Variants in YIPF1 observed in about 807,000 individuals in gnomAD.
YIPF1 encodes Yip1 domain family member 1, also known as protein YIPF1.
Under a neutral mutation model 37.0 loss-of-function variants are expected in YIPF1, and 22 were observed. That is an observed-to-expected ratio of 0.59 (90% CI 0.42 to 0.85). The LOEUF (loss-of-function observed/expected upper bound fraction) is 0.85. Among genes scored for constraint, YIPF1 ranks in the 40% least tolerant of loss-of-function variants. The pLI is 0.00. For synonymous variants in YIPF1, 128 were observed against 131.9 expected (o/e 0.97, Z 0.21); for missense variants, 355 against 373.1 (o/e 0.95, Z 0.40).
At chr1:53,858,673 C>A (rs1649786098) in intron 10 of YIPF1, among the ~76,000 whole-genome samples, 5 of 152,110 alleles carry the variant, frequency 3.3e-5, no homozygotes, top group Admixed American at 2.6e-4. Context: ...CTCTCTCTAT[C>A]ATCCAGGCTA....
At chr1:53,881,213 C>A (rs1650487860) in intron 4 of YIPF1, among the ~76,000 whole-genome samples, 1 of 144,788 alleles carries the variant, frequency 6.9e-6, no homozygotes, top group Non-Finnish European at 1.5e-5. Flanking sequence ...CAATGAGCCT[C>A]CAGCCTAGGC....
chr1:53,874,026 C>G (rs1650267298), intron 6 of YIPF1, among the ~76,000 whole-genome samples: 1 of 152,154 alleles, frequency 6.6e-6, no homozygotes, highest in African/African-American at 2.4e-5. Flanking sequence ...CTATGTGGCC[C>G]AATGCTCATC....
chr1:53,861,339 A>G (rs986414556), intron 9 of YIPF1, among the ~76,000 whole-genome samples: 1 of 152,026 alleles, frequency 6.6e-6, no homozygotes, highest in African/African-American at 2.4e-5. Flanking sequence ...CCTCAGGTAC[A>G]CTGTGCCACA....
Position 53,866,463 on chromosome 1 carries a change from T to C in YIPF1, c.649-81A>G, listed in dbSNP as rs868853780. 27 of 1,462,448 alleles carry C rather than the reference T, an allele frequency of 1.8e-5. No homozygotes were observed. In the Middle Eastern group the frequency reaches 1.2e-3, roughly 66 times the overall value. The allele number at this position is 1,462,448 out of a possible 1,614,324, so 90.6% of individuals were successfully genotyped here. On this transcript the variant is annotated intron_variant, in intron 8 of 10. Transcript: ENST00000072644. ...AGGCACATATGTTTACAAAGGCCCCTGAGCCAATCAGCAGCTGGGCCCCCA... is the reference window on the plus strand; with the variant it reads ...AGGCACATATGTTTACAAAGGCCCCCGAGCCAATCAGCAGCTGGGCCCCCA...
chr1:53,866,593 G>C (rs1471980441), intron 8 of YIPF1, among the ~76,000 whole-genome samples, 165 bp downstream of exon 8: 2 of 152,130 alleles, frequency 1.3e-5, no homozygotes, highest in East Asian at 3.9e-4. Context: ...AAGGCACTAG[G>C]CTCCCCAGAC....
chr1:53,864,101 G>C (rs546373235), intron 9 of YIPF1, among the ~76,000 whole-genome samples: 1 of 152,110 alleles, frequency 6.6e-6, no homozygotes, highest in Non-Finnish European at 1.5e-5. Context: ...AACCTGCCCT[G>C]CTCCTATTCC....
intron 8 of YIPF1, 99 bp from the exon 9 acceptor site, chr1:53,866,481 G>C (rs911618425): frequency 7.6e-7 from 1 of 1,312,050 alleles, no homozygotes; most frequent in African/African-American, 1.5e-5. Flanking sequence ...TCAGCAGCTG[G>C]GCCCCCATTG....
At chr1:53,853,775 C>T (rs1226758953) in intron 10 of YIPF1, among the ~76,000 whole-genome samples, 1 of 152,230 alleles carries the variant, frequency 6.6e-6, no homozygotes, top group African/African-American at 2.4e-5. Context: ...AAGCCCTGAT[C>T]AGCCTTTTAG....
chr1:53,870,453 G>A (rs1228775004), intron 7 of YIPF1, among the ~76,000 whole-genome samples: 1 of 152,036 alleles, frequency 6.6e-6, no homozygotes, highest in Non-Finnish European at 1.5e-5. Context: ...TGGGATGACA[G>A]GCATGAGCAA....
chr1:53,868,715 G>A (rs989456055), intron 7 of YIPF1, among the ~76,000 whole-genome samples: 5 of 152,024 alleles, frequency 3.3e-5, no homozygotes, highest in South Asian at 2.1e-4. Context: ...TACATAAAAC[G>A]GAAAAATGTT....
chr1:53,862,714 C>A (rs930816937), intron 9 of YIPF1, among the ~76,000 whole-genome samples: 3 of 152,182 alleles, frequency 2.0e-5, no homozygotes, highest in African/African-American at 7.2e-5. Flanking sequence ...AACTCCCCTG[C>A]CAGTTCCTCT....
chr1:53,852,101 T>C lies in YIPF1; in HGVS notation c.*178A>G, dbSNP rs1649609555. The C allele has an allele frequency of 6.6e-6, 1 of 152,190 alleles. No homozygotes were observed. Among genetic ancestry groups the C allele is most frequent in the South Asian group, 2.1e-4 (1 of 4,830 alleles). The allele number at this position is 152,190 out of a possible 1,614,324, so 9.4% of individuals were successfully genotyped here. ...AGGAAGAGCTGAAAGACACATGTGC[T>C]GAGCAACATTTAATTTCTGCTTGTT... On this transcript the variant is annotated 3_prime_UTR_variant, in exon 11 of 11. Coordinates refer to ENST00000072644, the MANE Select transcript of YIPF1 (RefSeq NM_018982.5).
intron 7 of YIPF1, among the ~76,000 whole-genome samples, chr1:53,867,308 C>T (rs574506302): frequency 1.3e-5 from 2 of 151,218 alleles, no homozygotes; most frequent in South Asian, 4.2e-4. Flanking sequence ...TAAAAACCAA[C>T]TATCCCCTTG....
chr1:53,877,296 G>A (rs1650359206), intron 6 of YIPF1, among the ~76,000 whole-genome samples: 1 of 152,156 alleles, frequency 6.6e-6, no homozygotes, highest in African/African-American at 2.4e-5. Flanking sequence ...AGGCTCCCTA[G>A]AGTCCATATT....
At chr1:53,857,753 G>A (rs1036145873) in intron 10 of YIPF1, among the ~76,000 whole-genome samples, 1 of 152,126 alleles carries the variant, frequency 6.6e-6, no homozygotes, top group Non-Finnish European at 1.5e-5. Context: ...AGGCCAAGGT[G>A]GGTGGCTCAC....
intron 6 of YIPF1, among the ~76,000 whole-genome samples, chr1:53,871,886 C>G (rs1256966682): frequency 6.6e-6 from 1 of 151,774 alleles, no homozygotes; most frequent in Non-Finnish European, 1.5e-5. Context: ...GTTAGCATCA[C>G]AGAGAAAGAA....
chr1:53,880,831 A>T (rs1650470409), intron 4 of YIPF1, among the ~76,000 whole-genome samples: 1 of 152,232 alleles, frequency 6.6e-6, no homozygotes, highest in African/African-American at 2.4e-5. Flanking sequence ...CTATTCAATA[A>T]ATAGTGCTGG....
intron 4 of YIPF1, 95 bp downstream of exon 4, chr1:53,883,018 G>T: frequency 1.4e-6 from 2 of 1,382,406 alleles, no homozygotes; most frequent in Admixed American, 2.7e-5. Context: ...AGCTGTCATT[G>T]CCTGACACTG....
At chr1:53,856,400 T>A (rs917072266) in intron 10 of YIPF1, among the ~76,000 whole-genome samples, 1 of 152,206 alleles carries the variant, frequency 6.6e-6, no homozygotes, top group Admixed American at 6.5e-5. Flanking sequence ...TGTCAGGTAC[T>A]TTGGGCCAAA....
Sources: allele counts gnomAD v4.1 joint callset (sites outside exome capture counted in the v4.1 genomes callset), GRCh38; gene constraint gnomAD v4.1.1; transcripts MANE v1.5; gene names NCBI Gene and HGNC (gene_info 2026-07-23, HGNC 2026-07-21).